Variants in DLGAP2 observed in about 807,000 individuals in gnomAD.
DLGAP2 encodes the protein disks large-associated protein 2.
In DLGAP2, 26 loss-of-function variants were observed where a neutral mutation model predicts 100.3. The ratio of observed to expected loss-of-function variants is 0.26; its 90% confidence interval spans 0.19 to 0.36. The LOEUF (loss-of-function observed/expected upper bound fraction) is 0.36. Among genes scored for constraint, DLGAP2 ranks in the 10% least tolerant of loss-of-function variants. The pLI is 1.00. For synonymous variants in DLGAP2, 886 were observed against 630.1 expected, an observed-to-expected ratio of 1.41 and a Z score of -6.08; for missense variants, 1,858 against 1,453.2, an observed-to-expected ratio of 1.28 and a Z score of -4.53.
chr8:1,121,761 C>G (rs1213335751), intron 2 of DLGAP2, among the ~76,000 whole-genome samples: 1 of 109,114 alleles, frequency 9.2e-6, no homozygotes, highest in Non-Finnish European at 2.4e-5. Flanking sequence ...CTTTCCTGAA[C>G]CCATGACCAC....
chr8:987,566 C>T (rs1343495991), intron 2 of DLGAP2, among the ~76,000 whole-genome samples: 2 of 152,158 alleles, frequency 1.3e-5, no homozygotes, highest in Non-Finnish European at 1.5e-5. Flanking sequence ...TTTGTGGTTG[C>T]CCTGGAAACT....
intron 1 of DLGAP2, among the ~76,000 whole-genome samples, chr8:855,724 C>T (rs954810702): frequency 7.2e-5 from 11 of 152,252 alleles, no homozygotes; most frequent in African/African-American, 2.4e-4. Context: ...AAGCTTTACC[C>T]TAGCTATGCA....
chr8:855,165 C>G (rs1016115873), intron 1 of DLGAP2, among the ~76,000 whole-genome samples: 1 of 152,088 alleles, frequency 6.6e-6, no homozygotes, highest in East Asian at 1.9e-4. Flanking sequence ...AACGTGGGCA[C>G]GAAGATTTTT....
At chr8:1,095,062 A>G (rs971257756) in intron 2 of DLGAP2, among the ~76,000 whole-genome samples, 7 of 141,052 alleles carry the variant, frequency 5.0e-5, no homozygotes, top group Non-Finnish European at 1.1e-4. Context: ...ACTGGCGTGG[A>G]CCACCTTCCC....
rs1796019561 is a variant in DLGAP2, at chr8:1,120,802, C to T, written c.74-138049C>T. On this transcript the variant is annotated intron_variant, in intron 2 of 14. Coordinates refer to ENST00000637795, the MANE Select transcript of DLGAP2 (RefSeq NM_001346810.2). ...TAGTCCCATCCTAGTCCCTTCAGAA[C>T]CCCTCGTCTCCCATCCTCGTCCAGT... Among the ~76,000 whole-genome samples the T allele has an allele frequency of 3.3e-5, 5 of 151,928 alleles. No homozygotes were observed. The South Asian group carries it at 1.0e-3, about 32-fold the overall frequency.
intron 2 of DLGAP2, among the ~76,000 whole-genome samples, chr8:1,076,292 C>T (rs1006353488): frequency 6.6e-6 from 1 of 152,176 alleles, no homozygotes; most frequent in African/African-American, 2.4e-5. Flanking sequence ...GAGCCCCCGC[C>T]GGCTGTCCGC....
At chr8:1,281,584 C>T (rs1799814463) in intron 3 of DLGAP2, among the ~76,000 whole-genome samples, 1 of 152,160 alleles carries the variant, frequency 6.6e-6, no homozygotes, top group South Asian at 2.1e-4. Flanking sequence ...CAGGGTTGAC[C>T]AGTTTTGAGC....
At chr8:1,437,937 G>T (rs1258341397) in intron 3 of DLGAP2, among the ~76,000 whole-genome samples, 1 of 151,810 alleles carries the variant, frequency 6.6e-6, no homozygotes, top group East Asian at 1.9e-4. Flanking sequence ...AGTGAACCGA[G>T]ATTGCACCAC....
At chr8:753,882 G>C (rs879449154) in intron 1 of DLGAP2, 1 of 152,232 alleles carries the variant, frequency 6.6e-6, no homozygotes, top group Non-Finnish European at 1.5e-5. Context: ...TTTCCTGTCC[G>C]GGCGGCGCGG....
intron 2 of DLGAP2, among the ~76,000 whole-genome samples, chr8:1,001,366 C>G (rs1046108801): frequency 2.6e-5 from 4 of 152,174 alleles, no homozygotes; most frequent in African/African-American, 9.6e-5. Context: ...TCCATGTATT[C>G]ATTTATGTCT....
At chr8:885,689 C>G (rs532866344) in intron 1 of DLGAP2, among the ~76,000 whole-genome samples, 1 of 152,110 alleles carries the variant, frequency 6.6e-6, no homozygotes, top group Non-Finnish European at 1.5e-5. Flanking sequence ...AGGGCCTCCT[C>G]GTCTTGTGCT....
At chr8:1,296,388 C>G (rs4976871) in intron 3 of DLGAP2, among the ~76,000 whole-genome samples, 89,360 of 151,902 alleles carry the variant, frequency 0.59, 26,591 homozygotes, top group African/African-American at 0.6. Context: ...CTGCATGTGC[C>G]TTGTAACTTC....
intron 3 of DLGAP2, among the ~76,000 whole-genome samples, chr8:1,347,408 C>A (rs117304323): frequency 1.3e-5 from 2 of 151,698 alleles, no homozygotes; most frequent in East Asian, 3.9e-4. Context: ...GGTTCAGTTC[C>A]CATACCCATC....
chr8:1,660,707 A>C (rs1798390468), intron 8 of DLGAP2, among the ~76,000 whole-genome samples: 1 of 152,220 alleles, frequency 6.6e-6, no homozygotes, highest in East Asian at 1.9e-4. Flanking sequence ...CAAGTGATTA[A>C]TATTTTTAGG....
intron 3 of DLGAP2, among the ~76,000 whole-genome samples, chr8:1,423,602 G>A (rs550558786): frequency 2.0e-5 from 3 of 152,338 alleles, no homozygotes; most frequent in African/African-American, 7.2e-5. Context: ...GGAACACGAT[G>A]TTGGGAGCAG....
At chr8:1,515,709 C>A (rs984972215) in intron 4 of DLGAP2, among the ~76,000 whole-genome samples, 3 of 152,188 alleles carry the variant, frequency 2.0e-5, no homozygotes, top group Non-Finnish European at 2.9e-5. Flanking sequence ...TGCAGACACA[C>A]AAACACATGC....
At chr8:1,656,896 C>T (rs1038311104) in intron 8 of DLGAP2, among the ~76,000 whole-genome samples, 12 of 152,114 alleles carry the variant, frequency 7.9e-5, no homozygotes, top group African/African-American at 1.4e-4. Context: ...CCAACTTATG[C>T]GATCCCTGTG....
At chr8:989,784 A>C (rs1316139626) in intron 2 of DLGAP2, among the ~76,000 whole-genome samples, 1 of 152,166 alleles carries the variant, frequency 6.6e-6, no homozygotes, top group Non-Finnish European at 1.5e-5. Context: ...TGAGATTCAG[A>C]AATTGAGGCT....
chr8:1,072,237 G>A (rs896177077), intron 2 of DLGAP2, among the ~76,000 whole-genome samples: 4 of 152,168 alleles, frequency 2.6e-5, no homozygotes, highest in African/African-American at 7.2e-5. Flanking sequence ...GATTGATGGT[G>A]TTCAGATGCA....
Sources: gnomAD v4.1 joint callset for allele counts (sites outside exome capture counted in the v4.1 genomes callset) on GRCh38, gnomAD v4.1.1 for gene constraint, MANE v1.5 for transcripts, NCBI Gene and HGNC (gene_info 2026-07-23, HGNC 2026-07-21) for gene names.